MPPED2: variants seen among roughly 807,000 people sequenced by gnomAD.
MPPED2 encodes the protein metallophosphoesterase domain containing 2.
A neutral mutation model predicts 33.0 loss-of-function variants in MPPED2; 5 were observed. The observed-to-expected ratio is 0.15, with a 90% CI of 0.08 to 0.32. The LOEUF (loss-of-function observed/expected upper bound fraction) is 0.32. MPPED2 is among the 10% of genes least tolerant of loss of function. MPPED2 has a pLI of 1.00. For missense variants in MPPED2, 275 were observed against 372.1 expected, an observed-to-expected ratio of 0.74 and a Z score of 2.15; for synonymous variants, 136 against 141.9, an observed-to-expected ratio of 0.96 and a Z score of 0.29.
rs541660833 is a variant in MPPED2, at chr11:30,441,740, T to C, written c.537-24107A>G. 8.1e-4 allele frequency among the ~76,000 whole-genome samples: 122 copies of C among 151,108 alleles called. 1 individual carries two copies. In the Middle Eastern group the frequency reaches 0.01, roughly 13 times the overall value. The stretch of plus-strand genomic sequence containing the variant: ...ATGACAGCCTTCATTCTCTTGCCCC[T>C]TTTTTTTTGCATAGGTTTCCCCATT... On this transcript the variant is annotated intron_variant, in intron 4 of 6. Coordinates refer to ENST00000358117, the MANE Select transcript of MPPED2 (RefSeq NM_001584.3).
At chr11:30,423,882 T>C (rs2133805396) in intron 4 of MPPED2, among the ~76,000 whole-genome samples, 1 of 152,316 alleles carries the variant, frequency 6.6e-6, no homozygotes, top group South Asian at 2.1e-4. Flanking sequence ...CATCAAATCA[T>C]AGACCCTCCT....
At chr11:30,581,541 C>T (rs1047071391) in intron 1 of MPPED2, among the ~76,000 whole-genome samples, 9 of 152,170 alleles carry the variant, frequency 5.9e-5, no homozygotes, top group East Asian at 1.9e-4. Context: ...AAGTGCACAA[C>T]GTCAGAATAG....
chr11:30,544,705 G>A (rs1306442300), intron 2 of MPPED2, among the ~76,000 whole-genome samples: 1 of 152,164 alleles, frequency 6.6e-6, no homozygotes, highest in Non-Finnish European at 1.5e-5. Flanking sequence ...TGCACAAAGT[G>A]TTATAATTAA....
At chr11:30,542,459 C>CAAAA (rs59474313) in intron 2 of MPPED2, among the ~76,000 whole-genome samples, 8 of 77,784 alleles carry the variant, frequency 1.0e-4, no homozygotes, top group African/African-American at 2.7e-4. Context: ...ACCAAAAGTA[C>CAAAA]AAAAAAAAAA....
chr11:30,560,527 T>C (rs1956194768), intron 2 of MPPED2, among the ~76,000 whole-genome samples: 2 of 152,166 alleles, frequency 1.3e-5, no homozygotes, highest in Admixed American at 1.3e-4. Context: ...TAGCTTATTC[T>C]AGAGGACATG....
chr11:30,520,481 A>G (rs1953806514), intron 3 of MPPED2, among the ~76,000 whole-genome samples: 1 of 152,178 alleles, frequency 6.6e-6, no homozygotes. Flanking sequence ...ACAAATCAAA[A>G]CAGAAGACTT....
intron 2 of MPPED2, among the ~76,000 whole-genome samples, chr11:30,569,640 C>T (rs1956606645): frequency 6.6e-6 from 1 of 152,214 alleles, no homozygotes; most frequent in East Asian, 1.9e-4. Context: ...TTACATCTCT[C>T]GAAAGTCAGT....
At chr11:30,405,848 A>G (rs1283869388), downstream of MPPED2, among the ~76,000 whole-genome samples, 1 of 152,140 alleles carries the variant, frequency 6.6e-6, no homozygotes, top group Non-Finnish European at 1.5e-5. Context: ...TAATGTATCA[A>G]TTCTGACAAA....
chr11:30,475,230 A>G (rs1197428367), intron 4 of MPPED2, among the ~76,000 whole-genome samples: 7 of 152,204 alleles, frequency 4.6e-5, no homozygotes. Flanking sequence ...ATAAATGTTT[A>G]ATGAAATAAG....
chr11:30,477,613 G>T (rs1951278518), intron 4 of MPPED2, among the ~76,000 whole-genome samples: 1 of 151,592 alleles, frequency 6.6e-6, no homozygotes, highest in Non-Finnish European at 1.5e-5. Context: ...GATTTGATTT[G>T]CTAACCTTCC....
chr11:30,541,754 G>C (rs1474703890), intron 2 of MPPED2, among the ~76,000 whole-genome samples: 2 of 152,052 alleles, frequency 1.3e-5, no homozygotes, highest in Admixed American at 6.6e-5. Flanking sequence ...CACCACGCCT[G>C]GCTAATTTTG....
intron 2 of MPPED2, among the ~76,000 whole-genome samples, chr11:30,573,311 A>G (rs777066455): frequency 6.6e-6 from 1 of 152,224 alleles, no homozygotes; most frequent in Non-Finnish European, 1.5e-5. Context: ...GGTATAAAGT[A>G]TAGCACATCC....
At chr11:30,460,010 A>G (rs1950454692) in intron 4 of MPPED2, among the ~76,000 whole-genome samples, 1 of 152,142 alleles carries the variant, frequency 6.6e-6, no homozygotes, top group African/African-American at 2.4e-5. Context: ...CCACTGTGGG[A>G]ATGAGAAAGC....
intron 6 of MPPED2, among the ~76,000 whole-genome samples, chr11:30,412,274 C>T (rs1948141793): frequency 6.7e-6 from 1 of 149,838 alleles, no homozygotes; most frequent in Non-Finnish European, 1.5e-5. Context: ...TTCCCATATG[C>T]AATATAAACC....
intron 4 of MPPED2, among the ~76,000 whole-genome samples, chr11:30,441,083 G>T (rs117172857): frequency 0.027 from 4,098 of 152,258 alleles, 94 homozygotes; most frequent in Admixed American, 0.063. Context: ...TTACCGAGCA[G>T]AACTAGTGGT....
chr11:30,513,665 G>A (rs1953355313), intron 3 of MPPED2, among the ~76,000 whole-genome samples: 1 of 152,172 alleles, frequency 6.6e-6, no homozygotes. Context: ...ACAGGAACCT[G>A]TAATCTTCTC....
At chr11:30,563,811 A>G (rs148314758) in intron 2 of MPPED2, among the ~76,000 whole-genome samples, 1 of 152,212 alleles carries the variant, frequency 6.6e-6, no homozygotes, top group Non-Finnish European at 1.5e-5. Context: ...GCCAGCATCA[A>G]TCCTGCCCTT....
intron 4 of MPPED2, among the ~76,000 whole-genome samples, chr11:30,480,940 T>C (rs146896458): frequency 6.6e-6 from 1 of 152,136 alleles, no homozygotes; most frequent in East Asian, 1.9e-4. Flanking sequence ...ATAATGAAGA[T>C]AAGAAAATTG....
chr11:30,557,590 T>C (rs994849392), intron 2 of MPPED2, among the ~76,000 whole-genome samples: 7 of 152,178 alleles, frequency 4.6e-5, no homozygotes, highest in Admixed American at 4.6e-4. Context: ...TGTTTTCTTT[T>C]AAGGAAAGGC....
Sources: gnomAD v4.1 joint callset for allele counts (sites outside exome capture counted in the v4.1 genomes callset) on GRCh38, gnomAD v4.1.1 for gene constraint, MANE v1.5 for transcripts, NCBI Gene and HGNC (gene_info 2026-07-23, HGNC 2026-07-21) for gene names.